HGF: variants seen among roughly 807,000 people sequenced by gnomAD.
HGF encodes fibroblast-derived tumor cytotoxic factor.
HGF carries 39 observed loss-of-function variants against 111.6 expected under a neutral mutation model. The ratio of observed to expected loss-of-function variants is 0.35; its 90% CI spans 0.27 to 0.46. The LOEUF (loss-of-function observed/expected upper bound fraction) is 0.46. Ranked by LOEUF, HGF falls within the 20% of genes least tolerant of loss-of-function variation. The pLI, the probability that HGF is intolerant of heterozygous loss-of-function variation, is 1.00. For synonymous variants in HGF, 285 were observed against 294.8 expected, an observed-to-expected ratio of 0.97 and a Z score of 0.34; for missense variants, 735 against 910.5, an observed-to-expected ratio of 0.81 and a Z score of 2.48.
At chr7:81,743,499 C>G (rs778198258) in intron 6 of HGF, 28 bp from the exon 7 acceptor site, 1 of 1,416,386 alleles carries the variant, frequency 7.1e-7, no homozygotes, top group Non-Finnish European at 1.0e-6. Flanking sequence ...AAAAGTGTCA[C>G]GTAAATCTGC....
intron 8 of HGF, among the ~76,000 whole-genome samples, chr7:81,727,057 T>TG (rs1790032405): frequency 6.6e-6 from 1 of 151,474 alleles, no homozygotes; most frequent in East Asian, 1.9e-4. Flanking sequence ...TTGTTTTTTT[T>TG]TTAAACAGAG....
In HGF at chr7:81,745,013, A is replaced by G. The variant is rs1410233416; in HGVS notation, c.733T>C (p.Phe245Leu). 1.9e-6 allele frequency: 3 copies of G among 1,614,076 alleles called. No individual in the cohort carries two copies. The highest frequency in any genetic ancestry group is 2.5e-6 in the Non-Finnish European group (3 of 1,179,982). Residue 245 changes from phenylalanine (F) to leucine (L), a missense_variant, in exon 6 of 18, where the codon TTC becomes CTC. Around this residue, in one of 3 missense-constraint regions of HGF, gnomAD observed 553 missense variants for 685.6 expected, o/e 0.81. Coordinates refer to ENST00000222390, the MANE Select transcript of HGF (RefSeq NM_000601.6). Reference protein sequence around the residue: ...WDHQTPHRHKFLPERYPDKGF... With the variant: ...WDHQTPHRHKLLPERYPDKGF... ...TTAATATTTTACCTTTCAGGCAAGA[A>G]TTTGTGCCGGTGTGGTGTCTGATGA...
chr7:81,768,119 T>A (rs1020285685), intron 1 of HGF, among the ~76,000 whole-genome samples: 2 of 152,142 alleles, frequency 1.3e-5, no homozygotes, highest in Non-Finnish European at 2.9e-5. Flanking sequence ...TTAGGCAAAG[T>A]GAAATATAAT....
rs73712346 is a variant in HGF, at chr7:81,749,072, C to G, written c.625+3048G>C. 9.5e-3 allele frequency among the ~76,000 whole-genome samples: 1,449 copies of G among 152,172 alleles called. 26 individuals carry two copies. The highest frequency in any genetic ancestry group is 0.033 in the African/African-American group (1,386 of 41,530). ...TGAATGTTTAAAATATAAATAGTCT[C>G]ACAAATTAACATATATAAATAAAAG... On this transcript the variant is annotated intron_variant, in intron 5 of 17. Transcript: ENST00000222390.
chr7:81,732,927 T>C (rs1412312538), intron 7 of HGF, among the ~76,000 whole-genome samples: 1 of 152,190 alleles, frequency 6.6e-6, no homozygotes, highest in Non-Finnish European at 1.5e-5. Flanking sequence ...ATTTATCCAC[T>C]AAAACTTCAA....
intron 1 of HGF, among the ~76,000 whole-genome samples, chr7:81,768,140 T>C (rs1462801105): frequency 6.6e-6 from 1 of 152,202 alleles, no homozygotes; most frequent in African/African-American, 2.4e-5. Flanking sequence ...TACAAATGTA[T>C]GTCTCCTGCC....
intron 4 of HGF, chr7:81,755,998 G>A (rs1188214338): frequency 1.4e-6 from 1 of 701,598 alleles, no homozygotes; most frequent in Non-Finnish European, 2.6e-6. Context: ...GAATCATCTT[G>A]CAGAATTGTG....
At chr7:81,736,894 G>GGGGGTGTGTGTGTGT (rs1554369032) in intron 7 of HGF, among the ~76,000 whole-genome samples, 1 of 141,966 alleles carries the variant, frequency 7.0e-6, no homozygotes, top group African/African-American at 2.6e-5. Flanking sequence ...TGTGTAGAGG[G>GGGGGTGTGTGTGTGT]GTGTGTGTGT....
intron 7 of HGF, chr7:81,742,923 C>T (rs760213927): frequency 1.2e-6 from 2 of 1,613,298 alleles, no homozygotes; most frequent in South Asian, 2.2e-5. Flanking sequence ...AGAAGTTCAC[C>T]ATCAGTTGAG....
intron 7 of HGF, among the ~76,000 whole-genome samples, chr7:81,742,470 T>G (rs951072112): frequency 6.6e-6 from 1 of 152,222 alleles, no homozygotes; most frequent in Admixed American, 6.5e-5. Context: ...CATATATACA[T>G]AACTTTATAT....
At chr7:81,757,069 CA>C (rs1788811849) in intron 4 of HGF, 119 bp downstream of exon 4, 1 of 710,666 alleles carries the variant, frequency 1.4e-6, no homozygotes, top group African/African-American at 1.8e-5. Context: ...TGCCGTAATA[CA>C]ATTCAGCAAG....
At chr7:81,736,246 T>A (rs1787820867) in intron 7 of HGF, among the ~76,000 whole-genome samples, 1 of 152,082 alleles carries the variant, frequency 6.6e-6, no homozygotes, top group African/African-American at 2.4e-5. Context: ...AGTAAACAAT[T>A]CATACGTTTC....
In HGF at chr7:81,699,748, G is replaced by T. The variant is rs1410874812; in HGVS notation, c.*2833C>A. On this transcript the variant is annotated 3_prime_UTR_variant, in exon 18 of 18. Coordinates refer to ENST00000222390, the MANE Select transcript of HGF (RefSeq NM_000601.6). ...TGGTACCAACAAGAAATATTCACAGGAATAAGTGAAATACAATTTTGCTAT... is the reference window on the plus strand; with the variant it reads ...TGGTACCAACAAGAAATATTCACAGTAATAAGTGAAATACAATTTTGCTAT... The T allele has an allele frequency of 6.6e-6, 1 of 151,490 alleles. No individual in the cohort carries two copies. Among genetic ancestry groups the T allele is most frequent in the East Asian group, 1.9e-4 (1 of 5,162 alleles). The allele number at this position is 151,490 out of a possible 1,614,324, so 9.4% of individuals were successfully genotyped here.
intron 8 of HGF, among the ~76,000 whole-genome samples, chr7:81,728,229 G>A (rs1336646622): frequency 3.3e-5 from 5 of 151,992 alleles, no homozygotes; most frequent in Non-Finnish European, 7.4e-5. Flanking sequence ...ACTTATGTTT[G>A]GTTATTTAAA....
At chr7:81,769,765 T>A (rs1170059587) in intron 1 of HGF, 119 bp downstream of exon 1, 4 of 767,914 alleles carry the variant, frequency 5.2e-6, no homozygotes, top group Non-Finnish European at 4.6e-6. Context: ...CTATACTACA[T>A]ACTGAGTTCA....
chr7:81,756,123 GT>G, intron 4 of HGF: 1 of 692,892 alleles, frequency 1.4e-6, no homozygotes, highest in Non-Finnish European at 2.6e-6. Context: ...ATGCCCTGAA[GT>G]TGTTAAAAGC....
At position 81,702,493 on chromosome 7, in the gene HGF, G is replaced by T. The variant is rs977727635; in HGVS notation, c.*88C>A. ...CTCCAGTAGTTGTCTTAGGATTGTT[G>T]TAAGTGACATTTTAAATTCCACATT... On this transcript the variant is annotated 3_prime_UTR_variant, in exon 18 of 18. Transcript: ENST00000222390. 3 of 1,086,612 alleles carry T rather than the reference G, an allele frequency of 2.8e-6. No homozygotes were observed. Among genetic ancestry groups the T allele is most frequent in the African/African-American group, 1.6e-5 (1 of 64,276 alleles). 67.3% of individuals were successfully genotyped at this position (1,086,612 alleles called of 1,614,324 possible). A position where few individuals can be genotyped will look rare whatever the true frequency, so the allele number is the denominator to read the frequency against.
chr7:81,718,122 T>G (rs1370573567), intron 10 of HGF, among the ~76,000 whole-genome samples: 1 of 152,212 alleles, frequency 6.6e-6, no homozygotes, highest in Non-Finnish European at 1.5e-5. Context: ...CTTACTGAAC[T>G]TGTTTCCAGT....
chr7:81,760,199 C>G (rs1788998374), intron 2 of HGF, among the ~76,000 whole-genome samples: 1 of 152,052 alleles, frequency 6.6e-6, no homozygotes, highest in Non-Finnish European at 1.5e-5. Context: ...TAATCTTTTC[C>G]ACAGCTTATT....
Sources: gnomAD v4.1 joint callset for allele counts (sites outside exome capture counted in the v4.1 genomes callset) on GRCh38, gnomAD v4.1.1 for gene constraint, gnomAD v4.1.1 regional missense constraint, MANE v1.5 for transcripts, NCBI Gene and HGNC (gene_info 2026-07-23, HGNC 2026-07-21) for gene names.